ZNF100: variants seen among roughly 807,000 people sequenced by gnomAD.
ZNF100 encodes zinc finger protein 100 (Y1).
A neutral mutation model predicts 15.8 loss-of-function variants in ZNF100; 12 were observed. That is an observed-to-expected ratio of 0.76 (90% CI 0.49 to 1.23). The LOEUF is 1.23. Ranked by LOEUF, ZNF100 falls within the 50% of genes most tolerant of loss-of-function variation. The pLI, the probability that ZNF100 is intolerant of heterozygous loss-of-function variation, is 0.00. For missense variants in ZNF100, 670 were observed against 635.6 expected, an observed-to-expected ratio of 1.05 and a Z score of -0.58; for synonymous variants, 226 against 214.8, an observed-to-expected ratio of 1.05 and a Z score of -0.45.
intron 4 of ZNF100, among the ~76,000 whole-genome samples, chr19:21,737,551 GAAGA>G (rs1568296584): frequency 0.015 from 1,656 of 110,886 alleles, 46 homozygotes; most frequent in African/African-American, 0.053. Flanking sequence ...TAAAAAAAAA[GAAGA>G]AAAAAAAAAA....
intron 4 of ZNF100, among the ~76,000 whole-genome samples, chr19:21,742,349 T>C (rs1372490985): frequency 1.4e-5 from 2 of 147,918 alleles, no homozygotes; most frequent in East Asian, 4.0e-4. Context: ...ATGTTACGTG[T>C]TTTTACAACC....
chr19:21,726,789 G>A lies in ZNF100; in HGVS notation c.1523C>T (p.Thr508Ile). Residue 508 changes from threonine (T) to isoleucine (I), a missense_variant, in exon 5 of 5, where the codon ACT (threonine) becomes ATT (isoleucine). Transcript: ENST00000358296. ...TTCCCATTTGTAAGATTTCTCTCCAGTATGAGTTATCTTATGTTTAGTAAG... is the reference window on the plus strand; with the variant it reads ...TTCCCATTTGTAAGATTTCTCTCCAATATGAGTTATCTTATGTTTAGTAAG... ...STLTKHKITH[T>I]GEKSYKWEEC... 1 of 1,613,784 alleles carries A rather than the reference G, an allele frequency of 6.2e-7. No homozygotes were observed. The highest frequency in any genetic ancestry group is 8.5e-7 in the Non-Finnish European group (1 of 1,179,790).
At chr19:21,751,722 A>G (rs2036309516) in intron 2 of ZNF100, 1 of 1,232,194 alleles carries the variant, frequency 8.1e-7, no homozygotes, top group African/African-American at 1.5e-5. Context: ...TATGCCAAAC[A>G]CTACCTTGAC....
At chr19:21,738,071 T>G (rs531133266) in intron 4 of ZNF100, among the ~76,000 whole-genome samples, 1 of 151,732 alleles carries the variant, frequency 6.6e-6, no homozygotes, top group African/African-American at 2.4e-5. Context: ...GCCAACATGG[T>G]GAAACCCCAT....
At chr19:21,736,318 C>A (rs2036008160) in intron 4 of ZNF100, among the ~76,000 whole-genome samples, 1 of 152,150 alleles carries the variant, frequency 6.6e-6, no homozygotes, top group African/African-American at 2.4e-5. Context: ...CTCCTGACCT[C>A]AGGGGATCTG....
chr19:21,766,597 C>A (rs1489221168), intron 1 of ZNF100, among the ~76,000 whole-genome samples: 14 of 152,094 alleles, frequency 9.2e-5, no homozygotes, highest in Admixed American at 9.2e-4. Flanking sequence ...ATTTAGTTTT[C>A]TTCATCATAC....
rs550247161 is a variant in ZNF100 at position 21,754,762 on chromosome 19, A to G, written c.97-9695T>C. ...GAAAGACTTCATGACAAAAACACCA[A>G]AAGGAATCGCAACAAAAGCCAAAAT... On this transcript the variant is annotated intron_variant, in intron 2 of 4. Coordinates refer to ENST00000358296, the MANE Select transcript of ZNF100 (RefSeq NM_173531.4). Among the ~76,000 whole-genome samples, 43 of 152,324 alleles carry G rather than the reference A, an allele frequency of 2.8e-4. No homozygotes were observed. The South Asian group carries it at 8.9e-3, about 32-fold the overall frequency.
At chr19:21,753,661 C>T (rs1599400832) in intron 2 of ZNF100, 1 of 152,308 alleles carries the variant, frequency 6.6e-6, no homozygotes, top group Non-Finnish European at 1.5e-5. Context: ...CTTAAAATTA[C>T]ATTAAACCTT....
Position 21,726,509 on chromosome 19 carries a change from C to T in ZNF100, c.*174G>A. 3 of 609,794 alleles carry T rather than the reference C, an allele frequency of 4.9e-6. No homozygotes were observed. 37.8% of individuals were successfully genotyped at this position (609,794 alleles called of 1,614,324 possible). ...TTGAGGTGTTTTCAAAGCACTGTCA[C>T]ATCTTTCTGGTTTGTAGAATTTCTC... On this transcript the variant is annotated 3_prime_UTR_variant, in exon 5 of 5. Transcript: ENST00000358296.
In ZNF100 at chr19:21,727,662, A is replaced by G; in HGVS notation, c.650T>C (p.Leu217Pro). ...CKKCEKSFCM[L>P]LHLTQHKRFH... is the part of the protein sequence containing the mutation. ...TCTTTTATGTTGAGTTAGGTGTAAA[A>G]GCATGCAAAATGATTTTTCACATTT... Residue 217 changes from leucine (L) to proline (P), a missense_variant, in exon 5 of 5, where the codon CTT becomes CCT. By Grantham distance (98) the Leu-to-Pro change is moderately conservative. Coordinates refer to ENST00000358296, the MANE Select transcript of ZNF100 (RefSeq NM_173531.4). 2.5e-6 allele frequency: 4 copies of G among 1,613,068 alleles called. No homozygotes were observed. The East Asian group carries it at 6.7e-5, about 27-fold the overall frequency.
At chr19:21,754,057 C>T (rs2036353179) in intron 2 of ZNF100, among the ~76,000 whole-genome samples, 1 of 152,136 alleles carries the variant, frequency 6.6e-6, no homozygotes, top group African/African-American at 2.4e-5. Flanking sequence ...ATCTATTTCT[C>T]CTACTTACTC....
Position 21,724,321 on chromosome 19 carries a change from A to T in ZNF100, c.*2362T>A, listed in dbSNP as rs916388892. The T allele has an allele frequency of 6.6e-6, 1 of 152,112 alleles. No homozygotes were observed. Among genetic ancestry groups the T allele is most frequent in the African/African-American group, 2.4e-5 (1 of 41,430 alleles). The allele number at this position is 152,112 out of a possible 1,614,324, so 9.4% of individuals were successfully genotyped here. The stretch of plus-strand genomic sequence containing the variant: ...GGTACAAATTCATACACACAAACTC[A>T]CTCTATAATTTTCTTACACTTAAGG... On this transcript the variant is annotated 3_prime_UTR_variant, in exon 5 of 5. Coordinates refer to ENST00000358296, the MANE Select transcript of ZNF100 (RefSeq NM_173531.4).
intron 2 of ZNF100, chr19:21,750,719 G>A (rs1214205627): frequency 1.4e-5 from 4 of 290,606 alleles, no homozygotes; most frequent in East Asian, 1.2e-4. Flanking sequence ...AACTGCCAGC[G>A]AGGAGGCACC....
chr19:21,758,454 TA>T (rs1427225133), intron 2 of ZNF100, among the ~76,000 whole-genome samples: 13 of 152,160 alleles, frequency 8.5e-5, no homozygotes, highest in Admixed American at 1.3e-4. Flanking sequence ...GAATGCAGTG[TA>T]AGTGGATTGT....
intron 2 of ZNF100, among the ~76,000 whole-genome samples, chr19:21,760,415 A>T (rs2036463261): frequency 6.6e-6 from 1 of 150,822 alleles, no homozygotes; most frequent in Non-Finnish European, 1.5e-5. Context: ...GAATCGCTTG[A>T]ACCTGAGAGG....
intron 2 of ZNF100, among the ~76,000 whole-genome samples, chr19:21,750,121 C>A (rs916584704): frequency 6.6e-6 from 1 of 152,076 alleles, no homozygotes; most frequent in African/African-American, 2.4e-5. Flanking sequence ...AACCTTGGAG[C>A]AAAAATACAT....
In ZNF100 at chr19:21,726,676, A is replaced by G. The variant is rs1173868256; in HGVS notation, c.*7T>C. 2 of 1,601,442 alleles carry G rather than the reference A, an allele frequency of 1.2e-6. No homozygotes were observed. Among genetic ancestry groups the G allele is most frequent in the African/African-American group, 2.7e-5 (2 of 74,368 alleles). On this transcript the variant is annotated 3_prime_UTR_variant, in exon 5 of 5. Coordinates refer to ENST00000358296, the MANE Select transcript of ZNF100 (RefSeq NM_173531.4). ...TTGAGGACTGGTAAAAGGCTTTGCCACATTTTTCACATTTGTAGGGTTTCT... is the reference window on the plus strand; with the variant it reads ...TTGAGGACTGGTAAAAGGCTTTGCCGCATTTTTCACATTTGTAGGGTTTCT...
Position 21,760,335 on chromosome 19 carries a change from A to T in ZNF100, c.96+5359T>A, listed in dbSNP as rs563035970. 3.3e-5 allele frequency among the ~76,000 whole-genome samples: 5 copies of T among 152,146 alleles called. No individual in the cohort carries two copies. In the South Asian group the frequency reaches 1.0e-3, roughly 32 times the overall value. On this transcript the variant is annotated intron_variant, in intron 2 of 4. Coordinates refer to ENST00000358296, the MANE Select transcript of ZNF100 (RefSeq NM_173531.4). Reference sequence around the variant, plus strand: ...TGGTGAAACCCCGTCTCTATTAAAAATACAAAACTTAGCCCTGCATGTGAT... The same window carrying T: ...TGGTGAAACCCCGTCTCTATTAAAATTACAAAACTTAGCCCTGCATGTGAT...
At chr19:21,753,951 G>A (rs2036351544) in intron 2 of ZNF100, among the ~76,000 whole-genome samples, 1 of 152,102 alleles carries the variant, frequency 6.6e-6, no homozygotes, top group Non-Finnish European at 1.5e-5. Context: ...ACTTACTTCA[G>A]GCTTTAAAAG....
Sources: gnomAD v4.1 joint callset for allele counts (sites outside exome capture counted in the v4.1 genomes callset) on GRCh38, gnomAD v4.1.1 for gene constraint, MANE v1.5 for transcripts, NCBI Gene and HGNC (gene_info 2026-07-23, HGNC 2026-07-21) for gene names.